GRIK2: variants seen among roughly 807,000 people sequenced by gnomAD.
The protein encoded by GRIK2 is glutamate ionotropic receptor kainate type subunit 2, also known as glutamate receptor ionotropic, kainate 2.
A neutral mutation model predicts 100.3 loss-of-function variants in GRIK2; 32 were observed. The ratio of observed to expected loss-of-function variants is 0.32; its 90% CI spans 0.24 to 0.43. GRIK2 has a LOEUF of 0.43. GRIK2 is among the 20% of genes least tolerant of loss of function. GRIK2 has a pLI of 1.00. For missense variants in GRIK2, 843 were observed against 1,114.9 expected (o/e 0.76, Z 3.47); for synonymous variants, 417 against 389.4 (o/e 1.07, Z -0.83).
intron 7 of GRIK2, among the ~76,000 whole-genome samples, chr6:101,788,776 G>A (rs1182551730): frequency 6.6e-6 from 1 of 152,126 alleles, no homozygotes; most frequent in Non-Finnish European, 1.5e-5. Flanking sequence ...GGTCCCTGAG[G>A]AATCGCCACA....
At chr6:101,975,482 G>A (rs1007660859) in intron 14 of GRIK2, among the ~76,000 whole-genome samples, 1 of 151,960 alleles carries the variant, frequency 6.6e-6, no homozygotes, top group African/African-American at 2.4e-5. Context: ...TAAGAAAAGT[G>A]TTGTGATCAA....
At position 101,500,639 on chromosome 6, in the gene GRIK2, C is replaced by A. The variant is rs529352273; in HGVS notation, c.115+101247C>A. 3.9e-5 allele frequency among the ~76,000 whole-genome samples: 6 copies of A among 152,020 alleles called. No individual in the cohort carries two copies. In the East Asian group the frequency reaches 1.2e-3, roughly 29 times the overall value. On this transcript the variant is annotated intron_variant, in intron 2 of 16. Transcript: ENST00000369134. The stretch of plus-strand genomic sequence containing the variant: ...GTGAACTTGTTTTTTCTTGGTAGTA[C>A]CCTTGTCTTCTATAATTGACGGAAG...
intron 2 of GRIK2, among the ~76,000 whole-genome samples, chr6:101,614,758 T>G (rs1779821243): frequency 6.6e-6 from 1 of 151,738 alleles, no homozygotes; most frequent in Admixed American, 6.6e-5. Context: ...GGTGTGCCAT[T>G]TAGAACATCA....
chr6:102,051,457 C>T (rs987240334), intron 15 of GRIK2, among the ~76,000 whole-genome samples: 2 of 151,978 alleles, frequency 1.3e-5, no homozygotes, highest in Non-Finnish European at 2.9e-5. Context: ...CTGAGAGCAG[C>T]GATATAGAAA....
chr6:101,404,136 A>G (rs1377615570), intron 2 of GRIK2, among the ~76,000 whole-genome samples: 1 of 152,354 alleles, frequency 6.6e-6, no homozygotes, highest in East Asian at 1.9e-4. Context: ...ACGTCAGTAG[A>G]CATTTCTTCA....
intron 7 of GRIK2, among the ~76,000 whole-genome samples, chr6:101,699,098 T>C (rs1462804491): frequency 6.6e-6 from 1 of 152,152 alleles, no homozygotes; most frequent in African/African-American, 2.4e-5. Flanking sequence ...CTATTCAAGC[T>C]AGAGAATTTC....
At chr6:101,655,996 A>G (rs948178595) in intron 4 of GRIK2, among the ~76,000 whole-genome samples, 4 of 152,018 alleles carry the variant, frequency 2.6e-5, no homozygotes, top group African/African-American at 9.7e-5. Flanking sequence ...AAAGATTTGA[A>G]AAGTGATAGA....
At chr6:101,822,368 A>G (rs1021553754) in intron 10 of GRIK2, among the ~76,000 whole-genome samples, 3 of 151,992 alleles carry the variant, frequency 2.0e-5, no homozygotes, top group Non-Finnish European at 4.4e-5. Flanking sequence ...TAGGACTCAC[A>G]GTAGAAGAAT....
chr6:102,002,748 TA>T (rs937210261), intron 14 of GRIK2, among the ~76,000 whole-genome samples: 9 of 150,686 alleles, frequency 6.0e-5, no homozygotes, highest in East Asian at 4.0e-4. Context: ...AGAACAATGA[TA>T]AAAAAAACTC....
chr6:101,556,732 G>A (rs1264088121), intron 2 of GRIK2, among the ~76,000 whole-genome samples: 2 of 152,116 alleles, frequency 1.3e-5, no homozygotes, highest in Non-Finnish European at 2.9e-5. Context: ...GAGGTAACAG[G>A]TGTGGGATAT....
chr6:101,707,564 GTATATA>G (rs1309086719), intron 7 of GRIK2, among the ~76,000 whole-genome samples: 1 of 97,446 alleles, frequency 1.0e-5, no homozygotes, highest in African/African-American at 6.0e-5. Flanking sequence ...GTATATATAT[GTATATA>G]TGTGTATGTG....
chr6:101,858,526 A>G (rs1182023417), intron 10 of GRIK2, among the ~76,000 whole-genome samples: 2 of 150,220 alleles, frequency 1.3e-5, no homozygotes, highest in Non-Finnish European at 3.0e-5. Flanking sequence ...AGCTGGGACT[A>G]CAGGCGCCCG....
intron 7 of GRIK2, among the ~76,000 whole-genome samples, chr6:101,768,617 G>C (rs529144232): frequency 6.6e-6 from 1 of 152,198 alleles, no homozygotes; most frequent in East Asian, 1.9e-4. Flanking sequence ...GTTAATATGA[G>C]GGACACTGAA....
chr6:101,964,139 C>T (rs1011809453), intron 14 of GRIK2, among the ~76,000 whole-genome samples: 44 of 150,382 alleles, frequency 2.9e-4, no homozygotes, highest in African/African-American at 1.0e-3. Context: ...ATAATATATA[C>T]ATAATTATAT....
Position 101,514,216 on chromosome 6 carries a change from A to G in GRIK2, c.116-107733A>G, listed in dbSNP as rs183434182. On this transcript the variant is annotated intron_variant, in intron 2 of 16. Transcript: ENST00000369134. ...TTTTAAAAAGAAAACTTTGATTCTT[A>G]TATCATACCCTGCATAAAAATTAAC... 2.9e-3 allele frequency among the ~76,000 whole-genome samples: 440 copies of G among 152,254 alleles called. 3 individuals are homozygous for G. Among genetic ancestry groups the G allele is most frequent in the African/African-American group, 0.01 (429 of 41,576 alleles).
intron 2 of GRIK2, among the ~76,000 whole-genome samples, chr6:101,553,768 T>C (rs189068298): frequency 3.3e-5 from 5 of 152,326 alleles, no homozygotes; most frequent in Admixed American, 3.3e-4. Flanking sequence ...AAGCCATAGG[T>C]AAAATTTTAG....
At position 101,835,766 on chromosome 6, in the gene GRIK2, A is replaced by T. The variant is rs146303197; in HGVS notation, c.1317+17283A>T. 2.4e-3 allele frequency among the ~76,000 whole-genome samples: 358 copies of T among 147,172 alleles called. 2 individuals are homozygous for T. The highest frequency in any genetic ancestry group is 4.4e-3 in the Non-Finnish European group (295 of 66,506). On this transcript the variant is annotated intron_variant, in intron 10 of 16. Coordinates refer to ENST00000369134, the MANE Select transcript of GRIK2 (RefSeq NM_021956.5). ...AGCCGTGAACCATGGCGCCCAGCCT[A>T]TGAGTTTCTTTTATGTCTTTGGAAG...
intron 14 of GRIK2, among the ~76,000 whole-genome samples, chr6:102,010,010 A>G (rs1405020087): frequency 1.3e-5 from 2 of 152,138 alleles, no homozygotes; most frequent in Non-Finnish European, 2.9e-5. Flanking sequence ...ATATATATAC[A>G]TATATAAATA....
intron 7 of GRIK2, among the ~76,000 whole-genome samples, chr6:101,782,265 C>A (rs1255886438): frequency 6.6e-6 from 1 of 152,144 alleles, no homozygotes; most frequent in African/African-American, 2.4e-5. Context: ...ACTCTAGTTA[C>A]CCTACTCTGC....
Sources: allele counts gnomAD v4.1 joint callset (sites outside exome capture counted in the v4.1 genomes callset), GRCh38; gene constraint gnomAD v4.1.1; transcripts MANE v1.5; gene names NCBI Gene and HGNC (gene_info 2026-07-23, HGNC 2026-07-21).